The following ULK4 variants were observed in gnomAD, a reference collection of about 807,000 sequenced individuals.
The protein encoded by ULK4 is unc-51 like kinase 4.
Under a neutral mutation model 160.6 loss-of-function variants are expected in ULK4, and 133 were observed. That is an observed-to-expected ratio of 0.83 (90% CI 0.72 to 0.96). ULK4 has a LOEUF of 0.96. Among genes scored for constraint, ULK4 ranks in the 40% least tolerant of loss-of-function variants. ULK4 has a pLI of 0.00. For missense variants in ULK4, 1,580 were observed against 1,499.5 expected (o/e 1.05, Z -0.89); for synonymous variants, 534 against 539.8 (o/e 0.99, Z 0.15).
intron 30 of ULK4, among the ~76,000 whole-genome samples, chr3:41,627,324 C>T (rs1261613760): frequency 6.6e-6 from 1 of 152,150 alleles, no homozygotes; most frequent in African/African-American, 2.4e-5. Context: ...AGGACAGGTC[C>T]ATGGAGATCA....
chr3:41,299,366 C>T (rs2079737332), intron 35 of ULK4, among the ~76,000 whole-genome samples: 1 of 152,184 alleles, frequency 6.6e-6, no homozygotes, highest in Admixed American at 6.5e-5. Flanking sequence ...AACCCCTAAC[C>T]CTAAAAGTCA....
At chr3:41,286,533 A>C (rs1187533684) in intron 35 of ULK4, among the ~76,000 whole-genome samples, 4 of 152,184 alleles carry the variant, frequency 2.6e-5, no homozygotes, top group Non-Finnish European at 5.9e-5. Flanking sequence ...ACTTTCTAGG[A>C]GGCCTTCAGG....
intron 35 of ULK4, among the ~76,000 whole-genome samples, chr3:41,348,880 T>G (rs1014944): frequency 0.039 from 5,918 of 152,260 alleles, 306 homozygotes; most frequent in East Asian, 0.19. Flanking sequence ...TCTTAGCTTC[T>G]GGGAGACTCA....
At chr3:41,745,392 C>T (rs2038386541) in intron 22 of ULK4, among the ~76,000 whole-genome samples, 1 of 151,466 alleles carries the variant, frequency 6.6e-6, no homozygotes, top group Non-Finnish European at 1.5e-5. Context: ...TTTAATAACA[C>T]AATAATTTTT....
At chr3:41,840,770 G>T (rs1303282261) in intron 17 of ULK4, among the ~76,000 whole-genome samples, 1 of 152,244 alleles carries the variant, frequency 6.6e-6, no homozygotes, top group Admixed American at 6.5e-5. Flanking sequence ...AAAGTGCTAA[G>T]ATTACAGCCT....
chr3:41,792,664 G>T (rs1416710360), intron 20 of ULK4, among the ~76,000 whole-genome samples: 2 of 152,178 alleles, frequency 1.3e-5, no homozygotes, highest in African/African-American at 4.8e-5. Flanking sequence ...TCAGAATGCT[G>T]TGCAAAAGCC....
chr3:41,248,922 A>AC (rs2078693561), intron 36 of ULK4, among the ~76,000 whole-genome samples: 1 of 152,184 alleles, frequency 6.6e-6, no homozygotes, highest in Non-Finnish European at 1.5e-5. Flanking sequence ...ACAGCCAAGG[A>AC]CTGGGAGGCT....
chr3:41,791,247 G>A (rs2040141460), intron 20 of ULK4, among the ~76,000 whole-genome samples: 1 of 152,098 alleles, frequency 6.6e-6, no homozygotes, highest in South Asian at 2.1e-4. Flanking sequence ...GCCTGCCTTG[G>A]CCTCCCAAAG....
At chr3:41,825,208 T>TG (rs201136546) in intron 18 of ULK4, among the ~76,000 whole-genome samples, 38,138 of 151,572 alleles carry the variant, frequency 0.25, 5,877 homozygotes, top group African/African-American at 0.44. Flanking sequence ...ACCACAAAGA[T>TG]GGAAAAAACA....
chr3:41,423,531 AC>A (rs1291411868), intron 34 of ULK4, among the ~76,000 whole-genome samples: 1 of 152,032 alleles, frequency 6.6e-6, no homozygotes, highest in Admixed American at 6.5e-5. Context: ...GAATAAAGAA[AC>A]TTGAAAATTT....
chr3:41,623,650 A>C (rs914670063), intron 30 of ULK4, among the ~76,000 whole-genome samples: 1 of 152,174 alleles, frequency 6.6e-6, no homozygotes, highest in Non-Finnish European at 1.5e-5. Flanking sequence ...GACTCTAAAA[A>C]AGTCAAACTC....
At position 41,309,901 on chromosome 3, in the gene ULK4, A is replaced by G. The variant is rs930218393; in HGVS notation, c.3679-60327T>C. ...AATCTAACCAATGCCTTTTAGGGAAAAAAAAAAAAATGACACATTTTAGAG... is the reference window on the plus strand; with the variant it reads ...AATCTAACCAATGCCTTTTAGGGAAGAAAAAAAAAATGACACATTTTAGAG... On this transcript the variant is annotated intron_variant, in intron 35 of 36. Coordinates refer to ENST00000301831, the MANE Select transcript of ULK4 (RefSeq NM_017886.4). Among the ~76,000 whole-genome samples, 3 of 107,764 alleles carry G rather than the reference A, an allele frequency of 2.8e-5. No individual in the cohort carries two copies. The Admixed American group carries it at 2.9e-4, about 10-fold the overall frequency. The allele number at this position is 107,764 out of a possible 152,430, so 70.7% of individuals were successfully genotyped here. A position where few individuals can be genotyped will look rare whatever the true frequency, so the allele number is the denominator to read the frequency against.
chr3:41,767,241 G>A (rs1321211419), intron 21 of ULK4, among the ~76,000 whole-genome samples: 1 of 152,094 alleles, frequency 6.6e-6, no homozygotes, highest in African/African-American at 2.4e-5. Flanking sequence ...ATGTATTCAT[G>A]TAAGTTACAA....
intron 32 of ULK4, among the ~76,000 whole-genome samples, chr3:41,562,120 C>G (rs2087601751): frequency 6.6e-6 from 1 of 152,068 alleles, no homozygotes; most frequent in South Asian, 2.1e-4. Context: ...CCTTATTTAC[C>G]GAGTAGTCAC....
At chr3:41,815,544 T>C (rs1409227636) in intron 19 of ULK4, among the ~76,000 whole-genome samples, 2 of 152,204 alleles carry the variant, frequency 1.3e-5, no homozygotes, top group African/African-American at 4.8e-5. Context: ...CAATACTCTG[T>C]AAATCAAGTG....
chr3:41,797,790 G>A (rs1430252820), intron 20 of ULK4, among the ~76,000 whole-genome samples: 4 of 152,086 alleles, frequency 2.6e-5, no homozygotes, highest in South Asian at 2.1e-4. Context: ...GAAACTGGGA[G>A]GAAGAGGTTG....
At chr3:41,277,105 A>G (rs970699235) in intron 35 of ULK4, among the ~76,000 whole-genome samples, 4 of 152,174 alleles carry the variant, frequency 2.6e-5, no homozygotes, top group African/African-American at 9.7e-5. Flanking sequence ...TGAAATGGTA[A>G]TTAAAAAATT....
At chr3:41,732,537 T>C (rs150202617) in intron 22 of ULK4, among the ~76,000 whole-genome samples, 3 of 152,200 alleles carry the variant, frequency 2.0e-5, no homozygotes, top group African/African-American at 7.2e-5. Flanking sequence ...TAAATTAGTA[T>C]GGCCATTATG....
chr3:41,662,224 A>G (rs2035199554), intron 30 of ULK4, among the ~76,000 whole-genome samples: 1 of 152,234 alleles, frequency 6.6e-6, no homozygotes. Flanking sequence ...CTAAAAGGCT[A>G]TAGAAACACT....
Sources: allele counts gnomAD v4.1 joint callset (sites outside exome capture counted in the v4.1 genomes callset), GRCh38; gene constraint gnomAD v4.1.1; transcripts MANE v1.5; gene names NCBI Gene and HGNC (gene_info 2026-07-23, HGNC 2026-07-21).